SPAG16: variants seen among roughly 807,000 people sequenced by gnomAD.
SPAG16 encodes sperm-associated antigen 16 protein.
Under a neutral mutation model 80.4 loss-of-function variants are expected in SPAG16, and 86 were observed. The observed-to-expected ratio is 1.07, with a 90% CI of 0.90 to 1.28. The LOEUF (loss-of-function observed/expected upper bound fraction) is 1.28. Ranked by LOEUF, SPAG16 falls within the 50% of genes most tolerant of loss-of-function variation. The pLI is 0.00. For synonymous variants in SPAG16, 294 were observed against 265.9 expected (o/e 1.11, Z -1.03); for missense variants, 870 against 765.3 (o/e 1.14, Z -1.61).
chr2:213,315,002 AAC>A (rs148816669), intron 4 of SPAG16, among the ~76,000 whole-genome samples: 8,117 of 151,938 alleles, frequency 0.053, 698 homozygotes, highest in African/African-American at 0.18. Flanking sequence ...TAAAGTATAT[AAC>A]ACAAAATATG....
At chr2:214,022,258 T>C (rs1424983675) in intron 13 of SPAG16, among the ~76,000 whole-genome samples, 2 of 152,142 alleles carry the variant, frequency 1.3e-5, no homozygotes, top group Non-Finnish European at 2.9e-5. Context: ...CGTAATTGCA[T>C]TTTTATAGAA....
intron 10 of SPAG16, among the ~76,000 whole-genome samples, chr2:213,573,375 C>A (rs1488800906): frequency 6.6e-6 from 1 of 152,226 alleles, no homozygotes; most frequent in Non-Finnish European, 1.5e-5. Flanking sequence ...TTTGACATCT[C>A]TCTGTTCTTC....
intron 10 of SPAG16, among the ~76,000 whole-genome samples, chr2:213,768,767 G>T (rs1047299827): frequency 6.6e-6 from 1 of 152,160 alleles, no homozygotes; most frequent in Non-Finnish European, 1.5e-5. Flanking sequence ...CTATAAATTT[G>T]TAAATCATCA....
chr2:214,089,822 C>A (rs998721827), intron 13 of SPAG16, among the ~76,000 whole-genome samples: 17 of 151,932 alleles, frequency 1.1e-4, no homozygotes, highest in African/African-American at 4.1e-4. Context: ...CATGACCCTC[C>A]CTAAATCCAT....
At chr2:213,368,901 A>G (rs1035269165) in intron 8 of SPAG16, among the ~76,000 whole-genome samples, 6 of 152,226 alleles carry the variant, frequency 3.9e-5, no homozygotes, top group Non-Finnish European at 5.9e-5. Flanking sequence ...CCACTGCTCA[A>G]TGAAGTAAAA....
intron 15 of SPAG16, among the ~76,000 whole-genome samples, chr2:214,306,189 GTGTAT>G (rs1576734834): frequency 1.3e-5 from 2 of 152,186 alleles, no homozygotes; most frequent in East Asian, 3.9e-4. Flanking sequence ...ACTGTTGTTG[GTGTAT>G]TGGAATGATA....
chr2:214,267,389 A>G (rs1050843212), intron 15 of SPAG16, among the ~76,000 whole-genome samples: 1 of 151,816 alleles, frequency 6.6e-6, no homozygotes, highest in Non-Finnish European at 1.5e-5. Context: ...AGATCATACA[A>G]TTGGGAAAGG....
At chr2:214,354,151 C>CA (rs202192365) in intron 15 of SPAG16, among the ~76,000 whole-genome samples, 494 of 151,842 alleles carry the variant, frequency 3.3e-3, no homozygotes, top group African/African-American at 0.011. Context: ...ATAAAAAAAT[C>CA]AAAAAAATGA....
At position 213,863,961 on chromosome 2, in the gene SPAG16, T is replaced by G. The variant is rs557813609; in HGVS notation, c.1214+1333T>G. On this transcript the variant is annotated intron_variant, in intron 11 of 15. Transcript: ENST00000331683. The stretch of plus-strand genomic sequence containing the variant: ...ATACTGCTATACTGTTTGCTTTTTT[T>G]CAGTGCATGAGACAAATATAAGGGG... 2.0e-4 allele frequency among the ~76,000 whole-genome samples: 30 copies of G among 152,306 alleles called. No homozygotes were observed. The South Asian group carries it at 4.3e-3, about 22-fold the overall frequency.
At chr2:213,477,042 G>A (rs917947488) in intron 9 of SPAG16, among the ~76,000 whole-genome samples, 2 of 152,062 alleles carry the variant, frequency 1.3e-5, no homozygotes, top group Non-Finnish European at 2.9e-5. Flanking sequence ...TTAGAATGGG[G>A]GAATGAATGC....
intron 10 of SPAG16, among the ~76,000 whole-genome samples, chr2:213,567,103 T>C (rs2059794923): frequency 6.6e-6 from 1 of 151,276 alleles, no homozygotes; most frequent in Non-Finnish European, 1.5e-5. Context: ...AACAGAAATA[T>C]AATAGAGTGA....
At chr2:213,678,740 C>T (rs952308996) in intron 10 of SPAG16, among the ~76,000 whole-genome samples, 2 of 152,116 alleles carry the variant, frequency 1.3e-5, no homozygotes, top group Admixed American at 6.6e-5. Flanking sequence ...CTAGGGATTG[C>T]TGTTTTCTGC....
At chr2:213,952,544 T>G (rs2079843525) in intron 12 of SPAG16, among the ~76,000 whole-genome samples, 1 of 152,142 alleles carries the variant, frequency 6.6e-6, no homozygotes, top group Admixed American at 6.5e-5. Context: ...TAAATTTGTC[T>G]GAAGAGAACA....
At chr2:214,103,486 G>A (rs2053196535) in intron 13 of SPAG16, among the ~76,000 whole-genome samples, 1 of 152,190 alleles carries the variant, frequency 6.6e-6, no homozygotes, top group Admixed American at 6.5e-5. Context: ...TTGTAAGAGA[G>A]ACGTCAGGAA....
chr2:213,726,877 C>T (rs1471407255), intron 10 of SPAG16, among the ~76,000 whole-genome samples: 2 of 152,092 alleles, frequency 1.3e-5, no homozygotes, highest in Non-Finnish European at 1.5e-5. Flanking sequence ...TCATTTTAGG[C>T]TTAAGGATTC....
intron 15 of SPAG16, among the ~76,000 whole-genome samples, chr2:214,258,721 T>TTAAG (rs1690904946): frequency 6.6e-6 from 1 of 151,874 alleles, no homozygotes; most frequent in Admixed American, 6.6e-5. Context: ...TTTCAATCTT[T>TTAAG]TAAGTTTTTA....
intron 7 of SPAG16, among the ~76,000 whole-genome samples, chr2:213,352,956 T>C (rs2065415928): frequency 6.6e-6 from 1 of 152,226 alleles, no homozygotes. Flanking sequence ...ACTGAATGTT[T>C]AGCTAAAACA....
At chr2:214,350,918 G>T (rs569984472) in intron 15 of SPAG16, among the ~76,000 whole-genome samples, 1 of 152,200 alleles carries the variant, frequency 6.6e-6, no homozygotes, top group Non-Finnish European at 1.5e-5. Context: ...ATAACCTAAA[G>T]TTGCCCCAAA....
chr2:213,464,001 G>A (rs2072532050), intron 9 of SPAG16, among the ~76,000 whole-genome samples: 1 of 152,212 alleles, frequency 6.6e-6, no homozygotes, highest in African/African-American at 2.4e-5. Flanking sequence ...GAAAGAAAAG[G>A]AAGAGTCCTT....
Sources: allele counts gnomAD v4.1 joint callset (sites outside exome capture counted in the v4.1 genomes callset), GRCh38; gene constraint gnomAD v4.1.1; transcripts MANE v1.5; gene names NCBI Gene and HGNC (gene_info 2026-07-23, HGNC 2026-07-21).